Variants in MARK4 observed in about 807,000 individuals in gnomAD.
MARK4 encodes the protein MAP/microtubule affinity-regulating kinase 4.
A neutral mutation model predicts 81.5 loss-of-function variants in MARK4; 19 were observed. That is an observed-to-expected ratio of 0.23 (90% confidence interval 0.16 to 0.34). MARK4 has a LOEUF of 0.34. Ranked by LOEUF, MARK4 falls within the 10% of genes least tolerant of loss-of-function variation. MARK4 has a pLI of 1.00. For synonymous variants in MARK4, 436 were observed against 439.0 expected (o/e 0.99, Z 0.08); for missense variants, 772 against 1,058.8 (o/e 0.73, Z 3.76).
chr19:45,294,411 G>A lies in MARK4; in HGVS notation c.1557G>A (p.Gly519=), dbSNP rs1599802507. 1 of 1,614,132 alleles carries A rather than the reference G, an allele frequency of 6.2e-7. No individual in the cohort carries two copies. Among genetic ancestry groups the A allele is most frequent in the Non-Finnish European group, 8.5e-7 (1 of 1,180,038 alleles). The change falls in exon 14 of 17, where the codon GGG becomes GGA. Residue 519 remains glycine (G), a synonymous_variant. Transcript: ENST00000262891. ...RNTYVCTERP[G]AERPSLLPNG... is the part of the protein sequence containing the mutation. ...CCTACGTTTGCACAGAACGCCCGGG[G>A]GCTGAGCGCCCGTCACTGTTGCCAA...
intron 7 of MARK4, among the ~76,000 whole-genome samples, chr19:45,268,032 G>A (rs1337313713): frequency 6.6e-6 from 1 of 152,004 alleles, no homozygotes; most frequent in African/African-American, 2.4e-5. Flanking sequence ...CTGACCTTGG[G>A]TGATCTGCCC....
Position 45,259,152 on chromosome 19 carries a change from A to G in MARK4, c.215A>G (p.Lys72Arg), listed in dbSNP as rs772048704. 1.9e-6 allele frequency: 3 copies of G among 1,614,064 alleles called. No individual in the cohort carries two copies. The African/African-American group carries it at 4.0e-5, about 22-fold the overall frequency. ...ACCATTGGGAAGGGCAACTTTGCCA[A>G]AGTCAAGCTGGCTCGGCACATCCTC... Reference protein sequence around the residue: ...LRTIGKGNFAKVKLARHILTG... With the variant: ...LRTIGKGNFARVKLARHILTG... The change falls in exon 2 of 17, where the codon AAA becomes AGA. Residue 72 changes from lysine to arginine, a missense_variant. Physicochemically the swap from Lys to Arg is conservative, Grantham distance 26. This residue lies in a region of MARK4 where 115 missense variants were observed against 139.8 expected (regional missense o/e 0.82). Coordinates refer to ENST00000262891, the MANE Select transcript of MARK4 (RefSeq NM_001199867.2).
At chr19:45,298,100 T>C in intron 15 of MARK4, 146 bp downstream of exon 15, 5 of 1,499,692 alleles carry the variant, frequency 3.3e-6, no homozygotes, top group Non-Finnish European at 4.6e-6. Flanking sequence ...CCTCCTCCTT[T>C]CCTCCTCCCC....
At chr19:45,257,035 C>G (rs1036852027) in intron 1 of MARK4, among the ~76,000 whole-genome samples, 1 of 151,964 alleles carries the variant, frequency 6.6e-6, no homozygotes, top group Admixed American at 6.6e-5. Flanking sequence ...CTCACTGCAG[C>G]CTTAACCTCC....
At chr19:45,286,322 G>C (rs1411031998) in intron 12 of MARK4, among the ~76,000 whole-genome samples, 1 of 151,798 alleles carries the variant, frequency 6.6e-6, no homozygotes, top group African/African-American at 2.4e-5. Flanking sequence ...CCAAAGTGCT[G>C]GGATTACAGG....
chr19:45,273,140 T>C (rs932371886), intron 8 of MARK4, among the ~76,000 whole-genome samples: 12 of 151,952 alleles, frequency 7.9e-5, no homozygotes, highest in African/African-American at 2.7e-4. Context: ...TTGCTTTTTT[T>C]TTTTCCCCCT....
intron 7 of MARK4, among the ~76,000 whole-genome samples, chr19:45,269,658 C>A (rs565343125): frequency 6.6e-5 from 10 of 152,196 alleles, no homozygotes; most frequent in Admixed American, 5.2e-4. Flanking sequence ...AGTCAGAAGG[C>A]TGGAGGCTTC....
intron 8 of MARK4, among the ~76,000 whole-genome samples, chr19:45,274,235 C>T (rs533917251): frequency 2.0e-5 from 3 of 151,884 alleles, no homozygotes; most frequent in Admixed American, 6.6e-5. Context: ...GGCAACAGAG[C>T]GAGACTCCAT....
At chr19:45,283,666 G>C (rs561732088) in intron 12 of MARK4, among the ~76,000 whole-genome samples, 1 of 152,184 alleles carries the variant, frequency 6.6e-6, no homozygotes, top group East Asian at 1.9e-4. Context: ...ACCACATTTT[G>C]TTTATCCATT....
intron 1 of MARK4, among the ~76,000 whole-genome samples, chr19:45,255,214 A>G (rs1421219635): frequency 6.6e-6 from 1 of 151,884 alleles, no homozygotes; most frequent in Non-Finnish European, 1.5e-5. Context: ...AAAAAAAAAA[A>G]AAGGTTCAGG....
At chr19:45,289,584 C>T (rs930611581) in intron 13 of MARK4, among the ~76,000 whole-genome samples, 2 of 149,044 alleles carry the variant, frequency 1.3e-5, no homozygotes, top group Non-Finnish European at 3.0e-5. Context: ...AGCCTGGCCA[C>T]CATGGTGAAA....
Position 45,298,059 on chromosome 19 carries a change from CTCCTCCTCCTCCTCCTCGTT to C in MARK4, c.1877+123_1877+142del, listed in dbSNP as rs746051212. On this transcript the variant is annotated intron_variant, in intron 15 of 16. Coordinates refer to ENST00000262891, the MANE Select transcript of MARK4 (RefSeq NM_001199867.2). ...TCCTGTACCCCAACATTTCCTCTTC[CTCCTCCTCCTCCTCCTCGTT>C]TCCTCCTCCTCCTCCTCCTTTCCTC... 7.9e-5 allele frequency: 85 copies of C among 1,071,286 alleles called. No individual in the cohort carries two copies. The African/African-American group carries it at 8.8e-4, about 11-fold the overall frequency. The allele number at this position is 1,071,286 out of a possible 1,614,324, so 66.4% of individuals were successfully genotyped here.
intron 14 of MARK4, among the ~76,000 whole-genome samples, chr19:45,296,214 A>C (rs1970884931): frequency 6.6e-6 from 1 of 152,076 alleles, no homozygotes; most frequent in Non-Finnish European, 1.5e-5. Context: ...AGACTCAGAC[A>C]AAAAAAATCA....
At position 45,297,923 on chromosome 19, in the gene MARK4, T is replaced by C; in HGVS notation, c.1846T>C (p.Phe616Leu). ...AGRPRPTTNL[F>L]TKLTSKLTRR... ...GCGGCCCCGCCCCACCACCAACCTC[T>C]TCACCAAGCTGACCTCCAAACTGAC... Residue 616 changes from phenylalanine to leucine, a missense_variant, in exon 15 of 17, where the codon TTC (phenylalanine) becomes CTC (leucine). Physicochemically the swap from Phe to Leu is conservative, Grantham distance 22. Coordinates refer to ENST00000262891, the MANE Select transcript of MARK4 (RefSeq NM_001199867.2). The C allele has an allele frequency of 6.4e-7, 1 of 1,550,470 alleles. No individual in the cohort carries two copies.
At chr19:45,278,897 A>G (rs1265861510) in intron 10 of MARK4, among the ~76,000 whole-genome samples, 3 of 151,872 alleles carry the variant, frequency 2.0e-5, no homozygotes, top group Non-Finnish European at 4.4e-5. Flanking sequence ...GAGCCACTGT[A>G]CCCGGCCCAT....
chr19:45,296,242 T>C (rs1970885456), intron 14 of MARK4, among the ~76,000 whole-genome samples: 1 of 152,020 alleles, frequency 6.6e-6, no homozygotes. Context: ...AAAAAAAATT[T>C]AAAAACAACA....
At position 45,302,876 on chromosome 19, in the gene MARK4, A is replaced by G. The variant is rs2123120379; in HGVS notation, c.*166A>G. 2.6e-6 allele frequency: 3 copies of G among 1,143,618 alleles called. No individual in the cohort carries two copies. In the South Asian group the frequency reaches 4.9e-5, roughly 19 times the overall value. 70.8% of individuals were successfully genotyped at this position (1,143,618 alleles called of 1,614,324 possible). On this transcript the variant is annotated 3_prime_UTR_variant, in exon 17 of 17. Coordinates refer to ENST00000262891, the MANE Select transcript of MARK4 (RefSeq NM_001199867.2). This position sits in a 1 kb window ranked among gnomAD's most constrained non-coding sequence, Gnocchi z 4.9. ...CCTCTGCTGTTCTCTGGGGCCGCTCAGCACAGAAGAAGGATGAGGGGGCTC... is the reference window on the plus strand; with the variant it reads ...CCTCTGCTGTTCTCTGGGGCCGCTCGGCACAGAAGAAGGATGAGGGGGCTC...
intron 1 of MARK4, among the ~76,000 whole-genome samples, chr19:45,258,557 A>G (rs1970339098): frequency 6.6e-6 from 1 of 152,190 alleles, no homozygotes; most frequent in Non-Finnish European, 1.5e-5. Flanking sequence ...GAAATTAGCC[A>G]GGCATGATGG....
intron 3 of MARK4, 29 bp from the exon 4 acceptor site, chr19:45,263,290 C>T (rs1031293495): frequency 3.7e-6 from 6 of 1,614,178 alleles, no homozygotes; most frequent in Middle Eastern, 1.7e-4. Flanking sequence ...CCCTCACTCT[C>T]CTCTGTCTTC....
Sources: gnomAD v4.1 joint callset for allele counts (sites outside exome capture counted in the v4.1 genomes callset) on GRCh38, gnomAD v4.1.1 for gene constraint, gnomAD v4.1.1 regional missense constraint, Gnocchi (gnomAD v3.1) non-coding constraint, MANE v1.5 for transcripts, NCBI Gene and HGNC (gene_info 2026-07-23, HGNC 2026-07-21) for gene names.